The following TGM6 variants were observed in gnomAD, a reference collection of about 807,000 sequenced individuals.
TGM6 encodes protein-glutamine gamma-glutamyltransferase 6.
Under a neutral mutation model 77.5 loss-of-function variants are expected in TGM6, and 74 were observed. That is an observed-to-expected ratio of 0.96 (90% CI 0.79 to 1.16). The LOEUF (loss-of-function observed/expected upper bound fraction) is 1.16, where lower values mean the gene tolerates loss of function less well. TGM6 is among the 50% of genes most tolerant of loss of function. The probability of loss-of-function intolerance (pLI) is 0.00; values close to 1 mark genes in which losing one functional copy is unlikely to be tolerated. For synonymous variants in TGM6, 383 were observed against 378.9 expected (o/e 1.01, Z -0.12); for missense variants, 968 against 940.2 (o/e 1.03, Z -0.39).
chr20:2,415,773 A>G (rs1348359930), intron 9 of TGM6, among the ~76,000 whole-genome samples: 3 of 152,124 alleles, frequency 2.0e-5, no homozygotes, highest in African/African-American at 4.8e-5. Flanking sequence ...GCTGCTGCGC[A>G]GTTGGTGGGT....
chr20:2,386,398 C>T lies in TGM6; in HGVS notation c.7+5423C>T, dbSNP rs111475320. On this transcript the variant is annotated intron_variant, in intron 1 of 12. Coordinates refer to ENST00000202625, the MANE Select transcript of TGM6 (RefSeq NM_198994.3). ...GTGTAGAGTTGGGCAGGGGAGGTGCCGGGGGCTGGCAGATTGGGATTTCTA... is the reference window on the plus strand; with the variant it reads ...GTGTAGAGTTGGGCAGGGGAGGTGCTGGGGGCTGGCAGATTGGGATTTCTA... Among the ~76,000 whole-genome samples, 98 of 151,960 alleles carry T rather than the reference C, an allele frequency of 6.4e-4. 1 individual carries two copies. Among genetic ancestry groups the T allele is most frequent in the Admixed American group, 1.8e-3 (28 of 15,260 alleles).
At chr20:2,391,792 T>C (rs2084631005) in intron 1 of TGM6, among the ~76,000 whole-genome samples, 1 of 152,188 alleles carries the variant, frequency 6.6e-6, no homozygotes, top group South Asian at 2.1e-4. Flanking sequence ...ACTACGGCCC[T>C]TAGGATAAAA....
In TGM6 at chr20:2,395,315, C is replaced by T. The variant is rs757250219; in HGVS notation, c.303C>T (p.Leu101=). Residue 101 remains leucine, a synonymous_variant, in exon 3 of 13, where the codon CTC becomes CTT. Coordinates refer to ENST00000202625, the MANE Select transcript of TGM6 (RefSeq NM_198994.3). ...AQMEKTLTVS[L]ASPPSAVIGR... ...TGGAGAAAACTCTGACCGTCAGTCT[C>T]GCCAGCCCTCCCAGTGCTGTCATTG... The T allele has an allele frequency of 3.6e-5, 58 of 1,614,104 alleles. No homozygotes were observed. The South Asian group carries it at 5.2e-4, about 14-fold the overall frequency.
rs369522893 is a variant in TGM6 at position 2,432,493 on chromosome 20, G to A, written c.1971G>A (p.Val657=). 41 of 1,613,910 alleles carry A rather than the reference G, an allele frequency of 2.5e-5. No homozygotes were observed. The highest frequency in any genetic ancestry group is 3.4e-5 in the Non-Finnish European group (40 of 1,180,006). ...GLLQEQLSID[V]PTLEPQERAS... is the part of the protein sequence containing the mutation. ...TTCTCCCCTCCCCTTCCTCCAGCGTGCCTACCCTGGAGCCTCAGGAGAGGG... is the reference window on the plus strand; with the variant it reads ...TTCTCCCCTCCCCTTCCTCCAGCGTACCTACCCTGGAGCCTCAGGAGAGGG... Residue 657 remains valine (V), a synonymous_variant, in exon 13 of 13, where the codon GTG becomes GTA. Transcript: ENST00000202625.
Position 2,430,709 on chromosome 20 carries a change from C to T in TGM6, c.1833+109C>T, listed in dbSNP as rs536504698. ...TTTGTGCCTTTAACTCCAGCTTTAG[C>T]TCTCCAGGGTGGGAGGAGTGGGTTG... On this transcript the variant is annotated intron_variant, in intron 11 of 12. Coordinates refer to ENST00000202625, the MANE Select transcript of TGM6 (RefSeq NM_198994.3). 3.8e-4 allele frequency: 600 copies of T among 1,595,286 alleles called. 2 individuals are homozygous for T. The highest frequency in any genetic ancestry group is 1.9e-4 in the Non-Finnish European group (216 of 1,166,998).
chr20:2,392,629 C>T (rs539016094), intron 1 of TGM6, among the ~76,000 whole-genome samples: 1 of 152,146 alleles, frequency 6.6e-6, no homozygotes, highest in Non-Finnish European at 1.5e-5. Context: ...GTCAAGAAGG[C>T]GGGCCAGGAA....
chr20:2,399,466 C>G, intron 5 of TGM6, 95 bp from the exon 6 acceptor site: 1 of 1,574,506 alleles, frequency 6.4e-7, no homozygotes, highest in Non-Finnish European at 8.7e-7. Flanking sequence ...CCCCGATGGA[C>G]CTGGTGGTCC....
Position 2,432,535 on chromosome 20 carries a change from C to T in TGM6, c.2013C>T (p.Asp671=). ...AGGAGAGGGCCTCAGTCCAGTTTGA[C>T]ATCACCCCCTCCAAAAGTGGCCCAA... ...EPQERASVQF[D]ITPSKSGPRQ... The change falls in exon 13 of 13, where the codon GAC becomes GAT. Residue 671 remains aspartate (D), a synonymous_variant. Coordinates refer to ENST00000202625, the MANE Select transcript of TGM6 (RefSeq NM_198994.3). 6.2e-7 allele frequency: 1 copy of T among 1,614,130 alleles called. No homozygotes were observed. The highest frequency in any genetic ancestry group is 8.5e-7 in the Non-Finnish European group (1 of 1,180,028).
rs1478867555 is a variant in TGM6 at position 2,403,835 on chromosome 20, A to T, written c.1336+12A>T. 1 of 1,614,040 alleles carries T rather than the reference A, an allele frequency of 6.2e-7. No homozygotes were observed. The highest frequency in any genetic ancestry group is 1.7e-5 in the Admixed American group (1 of 60,032). ...CAAGTATCCGGAAGGTAAGGGCCAC[A>T]TGGCGGCCTTTATTACCTTCCCCCG... On this transcript the variant is annotated intron_variant, in intron 9 of 12. Coordinates refer to ENST00000202625, the MANE Select transcript of TGM6 (RefSeq NM_198994.3).
rs145379165 is a variant in TGM6, at chr20:2,395,427, T to C, written c.415T>C (p.Trp139Arg). Residue 139 changes from tryptophan (W) to arginine (R), a missense_variant, in exon 3 of 13, where the codon TGG becomes CGG. Physicochemically the swap from Trp to Arg is moderately radical, Grantham distance 101. Transcript: ENST00000202625. ...LGEFVLLFNP[W>R]CAEDDVFLAS... ...CGAGTTTGTTCTCCTTTTCAACCCA[T>C]GGTGTGCAGGTAGGAGTGGCCAAGT... 1.5e-5 allele frequency: 25 copies of C among 1,614,062 alleles called. No homozygotes were observed. The East Asian group carries it at 3.3e-4, about 22-fold the overall frequency.
At chr20:2,430,023 G>A (rs1451458316) in intron 10 of TGM6, among the ~76,000 whole-genome samples, 2 of 152,182 alleles carry the variant, frequency 1.3e-5, no homozygotes, top group Non-Finnish European at 2.9e-5. Flanking sequence ...GAAGATTGAG[G>A]CATGCCTTTG....
At chr20:2,394,418 C>T (rs777052849) in intron 1 of TGM6, 34 bp from the exon 2 acceptor site, 55 of 1,609,322 alleles carry the variant, frequency 3.4e-5, no homozygotes, top group Non-Finnish European at 4.2e-5. Flanking sequence ...AACAGGAGGC[C>T]GTGGCCTCAT....
chr20:2,428,638 A>G (rs575299239), intron 10 of TGM6, among the ~76,000 whole-genome samples: 1 of 152,244 alleles, frequency 6.6e-6, no homozygotes, highest in South Asian at 2.1e-4. Flanking sequence ...TATGTTTATT[A>G]TCAGTGTTTT....
intron 9 of TGM6, among the ~76,000 whole-genome samples, chr20:2,413,257 C>G (rs1390624527): frequency 6.6e-6 from 1 of 152,132 alleles, no homozygotes; most frequent in East Asian, 1.9e-4. Context: ...TCTACAAAAA[C>G]TTTTAAAAAT....
At chr20:2,385,001 G>A (rs2084584854) in intron 1 of TGM6, among the ~76,000 whole-genome samples, 2 of 152,196 alleles carry the variant, frequency 1.3e-5, no homozygotes, top group African/African-American at 2.4e-5. Flanking sequence ...GTCAACTGGA[G>A]CAGTCTTAGA....
At position 2,432,576 on chromosome 20, in the gene TGM6, AC is replaced by A; in HGVS notation, c.2056del (p.Val687Ter). On this transcript the variant is annotated frameshift_variant, in exon 13 of 13. Coordinates refer to ENST00000202625, the MANE Select transcript of TGM6 (RefSeq NM_198994.3). LOFTEE classifies it high-confidence loss of function. ...SKSGPRQLQVDLVSPHFPDIK... is the reference protein window; with the variant it reads ...SKSGPRQLQVXLVSPHFPDIK... ...AGTGGCCCAAGGCAGCTGCAGGTGG[AC>A]CTTGTAAGCCCTCACTTCCCGGACA... The A allele has an allele frequency of 6.2e-7, 1 of 1,614,048 alleles. No homozygotes were observed. Among genetic ancestry groups the A allele is most frequent in the Middle Eastern group, 1.6e-4 (1 of 6,062 alleles).
In TGM6 at chr20:2,394,755, C is replaced by A. The variant is rs112872747; in HGVS notation, c.181+130C>A. On this transcript the variant is annotated intron_variant, in intron 2 of 12. Transcript: ENST00000202625. The stretch of plus-strand genomic sequence containing the variant: ...AGCAAGTCACTGTAGGTAGACGGAG[C>A]CTTGAACCCTGGAGGCTTCTGGTGG... 1.8e-4 allele frequency: 206 copies of A among 1,132,396 alleles called. 2 individuals are homozygous for A. The African/African-American group carries it at 2.6e-3, about 14-fold the overall frequency. 70.1% of individuals were successfully genotyped at this position (1,132,396 alleles called of 1,614,324 possible).
rs146724544 is a variant in TGM6 at position 2,429,105 on chromosome 20, G to A, written c.1679-1341G>A. Among the ~76,000 whole-genome samples, 543 of 152,274 alleles carry A rather than the reference G, an allele frequency of 3.6e-3. 6 individuals are homozygous for A. The highest frequency in any genetic ancestry group is 0.012 in the African/African-American group (511 of 41,536). On this transcript the variant is annotated intron_variant, in intron 10 of 12. Transcript: ENST00000202625. ...CTCCCAAAGTGCTGGGATTACAGGC[G>A]TGAGCCACGGCACCCGGCCTATAAT... is the stretch of plus-strand genomic sequence containing the variant.
chr20:2,402,798 C>A (rs2084720395), intron 7 of TGM6, among the ~76,000 whole-genome samples: 1 of 152,196 alleles, frequency 6.6e-6, no homozygotes, highest in Non-Finnish European at 1.5e-5. Context: ...TCTGCATAAT[C>A]AGAACCCTAC....
Sources: allele counts gnomAD v4.1 joint callset (sites outside exome capture counted in the v4.1 genomes callset), GRCh38; gene constraint gnomAD v4.1.1; transcripts MANE v1.5; gene names NCBI Gene and HGNC (gene_info 2026-07-23, HGNC 2026-07-21).